The following MTRFR variants were observed in gnomAD, a reference collection of about 807,000 sequenced individuals.
MTRFR encodes the protein mitochondrial translation release factor in rescue.
A neutral mutation model predicts 11.9 loss-of-function variants in MTRFR; 10 were observed. The observed-to-expected ratio is 0.84, with a 90% confidence interval of 0.52 to 1.42. The LOEUF is 1.42. MTRFR is among the 40% of genes most tolerant of loss of function. The pLI is 0.00. For synonymous variants in MTRFR, 77 were observed against 79.1 expected, an observed-to-expected ratio of 0.97 and a Z score of 0.14; for missense variants, 196 against 197.9, an observed-to-expected ratio of 0.99 and a Z score of 0.06.
chr12:123,257,172 A>G lies in MTRFR; in HGVS notation c.*141A>G. ...CTTAAAAGACAACAAATTTATTTAA[A>G]TGGTGCACTAAACTGTAGTGAACAG... On this transcript the variant is annotated 3_prime_UTR_variant, in exon 3 of 3. Coordinates refer to ENST00000253233, the MANE Select transcript of MTRFR (RefSeq NM_152269.5). The G allele has an allele frequency of 1.3e-6, 1 of 743,560 alleles. No individual in the cohort carries two copies. The highest frequency in any genetic ancestry group is 2.5e-5 in the Admixed American group (1 of 40,334). The allele number at this position is 743,560 out of a possible 1,614,324, so 46.1% of individuals were successfully genotyped here. A position where few individuals can be genotyped will look rare whatever the true frequency, so the allele number is the denominator to read the frequency against.
upstream of MTRFR, chr12:123,233,113 A>T (rs1304609444): frequency 6.7e-6 from 1 of 150,272 alleles, no homozygotes. Context: ...GGGTCATGCA[A>T]GCGGCCTCTC....
intron 1 of MTRFR, among the ~76,000 whole-genome samples, chr12:123,238,687 G>C (rs2047887823): frequency 6.6e-6 from 1 of 152,134 alleles, no homozygotes; most frequent in South Asian, 2.1e-4. Context: ...CTGTGTTCTG[G>C]AACAATGCTT....
rs769551356 is a variant in MTRFR at position 123,256,863 on chromosome 12, C to A, written c.333C>A (p.Ile111=). 25 of 1,613,738 alleles carry A rather than the reference C, an allele frequency of 1.5e-5. No homozygotes were observed. Among genetic ancestry groups the A allele is most frequent in the Middle Eastern group, 1.6e-4 (1 of 6,082 alleles). The change falls in exon 3 of 3, where the codon ATC becomes ATA. Residue 111 remains isoleucine (I), a synonymous_variant. Transcript: ENST00000253233. The part of the protein sequence containing the change: ...VDQNRKLARK[I]LQEKVDVFYN... ...AGAACAGAAAGCTAGCTCGGAAAAT[C>A]CTACAAGAGAAAGTAGATGTTTTCT...
intron 1 of MTRFR, among the ~76,000 whole-genome samples, chr12:123,242,241 G>A (rs2047950966): frequency 6.6e-6 from 1 of 152,180 alleles, no homozygotes; most frequent in South Asian, 2.1e-4. Context: ...CATCATCAAA[G>A]GAAAAGTAGA....
chr12:123,245,621 G>C (rs1453804422), intron 1 of MTRFR, among the ~76,000 whole-genome samples: 12 of 152,130 alleles, frequency 7.9e-5, no homozygotes, highest in Non-Finnish European at 1.5e-4. Flanking sequence ...ATATTCCTAA[G>C]TTTTGTTTTT....
At chr12:123,236,590 C>G (rs1408816498) in intron 1 of MTRFR, among the ~76,000 whole-genome samples, 1 of 143,920 alleles carries the variant, frequency 6.9e-6, no homozygotes, top group Non-Finnish European at 1.5e-5. Flanking sequence ...GAGACCCTGT[C>G]TCAAAAAAAA....
intron 1 of MTRFR, chr12:123,244,028 A>G (rs1180568655): frequency 1.3e-5 from 2 of 151,708 alleles, no homozygotes; most frequent in African/African-American, 2.4e-5. Context: ...CAGTTACCTT[A>G]GAAGCTGGCT....
intron 1 of MTRFR, among the ~76,000 whole-genome samples, chr12:123,239,141 T>C (rs886906763): frequency 8.5e-5 from 13 of 152,106 alleles, no homozygotes; most frequent in Non-Finnish European, 1.8e-4. Context: ...TGCTGGTACA[T>C]GCCTGTAGTT....
intron 1 of MTRFR, among the ~76,000 whole-genome samples, chr12:123,238,270 G>T (rs1011112832): frequency 6.6e-6 from 1 of 152,050 alleles, no homozygotes; most frequent in African/African-American, 2.4e-5. Flanking sequence ...CTTAGCTTCT[G>T]GCACCACCTG....
At chr12:123,238,470 G>A (rs1429980414) in intron 1 of MTRFR, among the ~76,000 whole-genome samples, 3 of 152,050 alleles carry the variant, frequency 2.0e-5, no homozygotes, top group Non-Finnish European at 2.9e-5. Flanking sequence ...TTTCTTAAAT[G>A]TCATATAAAT....
At chr12:123,250,173 CT>C (rs2138783565) in intron 1 of MTRFR, 1 of 152,306 alleles carries the variant, frequency 6.6e-6, no homozygotes, top group Admixed American at 6.5e-5. Context: ...ATTGCTGAGA[CT>C]TTCCAGAGCA....
intron 2 of MTRFR, 149 bp downstream of exon 2, chr12:123,254,105 C>T (rs976259922): frequency 9.2e-6 from 8 of 874,196 alleles, no homozygotes; most frequent in East Asian, 5.3e-5. Flanking sequence ...TAGAGAGCAC[C>T]GCAGATCTCG....
rs1349932444 is a variant in MTRFR, at chr12:123,253,785, T to G, written c.111T>G (p.Ala37=). Reference sequence around the variant, plus strand: ...TGACGTTGTTATCCCCAGGAATAGCTGTCACTCCGGTCCAGATGGCAGGCA... The same window carrying G: ...TGACGTTGTTATCCCCAGGAATAGCGGTCACTCCGGTCCAGATGGCAGGCA... ...EKLTLLSPGI[A]VTPVQMAGKK... is the part of the protein sequence containing the mutation. The change falls in exon 2 of 3, where the codon GCT becomes GCG. Residue 37 remains alanine (A), a synonymous_variant. Transcript: ENST00000253233. The G allele has an allele frequency of 6.2e-7, 1 of 1,614,194 alleles. No homozygotes were observed. The highest frequency in any genetic ancestry group is 1.1e-5 in the South Asian group (1 of 91,084).
Position 123,241,153 on chromosome 12 carries a change from T to TTTTG in MTRFR, c.-29+7625_-29+7626insGTTT, listed in dbSNP as rs367798538. Among the ~76,000 whole-genome samples the TTTTG allele has an allele frequency of 3.2e-3, 109 of 33,922 alleles. 1 individual carries two copies. The South Asian group carries it at 0.043, about 13-fold the overall frequency. 22.3% of individuals were successfully genotyped at this position (33,922 alleles called of 152,430 possible). A position where few individuals can be genotyped will look rare whatever the true frequency, so the allele number is the denominator to read the frequency against. ...TTTATTTGGGGTTGTTTTTTTTTTG[T>TTTTG]TTTTGTTTTTTTTTTAATAAAAGAG... On this transcript the variant is annotated intron_variant, in intron 1 of 2. Coordinates refer to ENST00000253233, the MANE Select transcript of MTRFR (RefSeq NM_152269.5).
intron 1 of MTRFR, chr12:123,250,558 T>C (rs2048100038): frequency 6.6e-6 from 1 of 152,224 alleles, no homozygotes; most frequent in Non-Finnish European, 1.5e-5. Context: ...TCTCTTCATG[T>C]AGTACTCTGC....
At chr12:123,254,308 G>A in intron 2 of MTRFR, 1 of 271,502 alleles carries the variant, frequency 3.7e-6, no homozygotes. Context: ...AGGCGCCCGG[G>A]CAGCATGGTT....
intron 1 of MTRFR, among the ~76,000 whole-genome samples, chr12:123,244,878 G>A (rs983790105): frequency 2.8e-5 from 4 of 145,260 alleles, no homozygotes; most frequent in South Asian, 2.2e-4. Flanking sequence ...TGATCTGCCC[G>A]CCTCAGCCTC....
intron 1 of MTRFR, among the ~76,000 whole-genome samples, chr12:123,234,557 G>A (rs2047805674): frequency 6.6e-6 from 1 of 151,988 alleles, no homozygotes; most frequent in Non-Finnish European, 1.5e-5. Context: ...CACCACATCC[G>A]GCTAATTTTT....
chr12:123,244,930 ATTT>A (rs544105176), intron 1 of MTRFR, among the ~76,000 whole-genome samples: 2 of 65,098 alleles, frequency 3.1e-5, no homozygotes, highest in Non-Finnish European at 2.5e-5. Flanking sequence ...CGCACCCGGC[ATTT>A]TTTTTTTTTT....
Sources: allele counts gnomAD v4.1 joint callset (sites outside exome capture counted in the v4.1 genomes callset), GRCh38; gene constraint gnomAD v4.1.1; transcripts MANE v1.5; gene names NCBI Gene and HGNC (gene_info 2026-07-23, HGNC 2026-07-21).